The following TCEA3 variants were observed in gnomAD, a reference collection of about 807,000 sequenced individuals.
TCEA3 encodes transcription elongation factor A protein 3.
In TCEA3, 36 loss-of-function variants were observed where a neutral mutation model predicts 44.0. The ratio of observed to expected loss-of-function variants is 0.82; its 90% CI spans 0.63 to 1.08. TCEA3 has a LOEUF of 1.08. TCEA3 is among the 50% of genes least tolerant of loss of function. The pLI, the probability that TCEA3 is intolerant of heterozygous loss-of-function variation, is 0.00. For synonymous variants in TCEA3, 162 were observed against 159.7 expected (o/e 1.01, Z -0.11); for missense variants, 392 against 441.2 (o/e 0.89, Z 1.00).
chr1:23,384,230 G>A, intron 10 of TCEA3, 116 bp downstream of exon 10: 1 of 1,586,818 alleles, frequency 6.3e-7, no homozygotes, highest in South Asian at 1.2e-5. Context: ...CCTACTCTGT[G>A]CAGGCTGGCA....
chr1:23,397,532 A>T lies in TCEA3; in HGVS notation c.664+13T>A. 1.2e-6 allele frequency: 2 copies of T among 1,613,368 alleles called. No homozygotes were observed. The highest frequency in any genetic ancestry group is 1.7e-6 in the Non-Finnish European group (2 of 1,179,548). ...GTGCAGACACCCACAGCCCCGGCAC[A>T]GTTCAAGGATATGATCTTCGATTTC... On this transcript the variant is annotated intron_variant, in intron 7 of 10. Transcript: ENST00000450454.
chr1:23,412,979 A>T (rs1340154097), intron 4 of TCEA3, among the ~76,000 whole-genome samples: 1 of 152,196 alleles, frequency 6.6e-6, no homozygotes, highest in African/African-American at 2.4e-5. Context: ...GAATGAGGAG[A>T]TACCTCTCCA....
intron 1 of TCEA3, 110 bp from the exon 2 acceptor site, chr1:23,419,249 G>A (rs1450735687): frequency 2.4e-5 from 18 of 753,972 alleles, no homozygotes; most frequent in African/African-American, 3.5e-5. Flanking sequence ...ACATGTGGCC[G>A]AAGGACAGGC....
At chr1:23,389,298 G>T (rs1416677216) in intron 8 of TCEA3, among the ~76,000 whole-genome samples, 1 of 152,084 alleles carries the variant, frequency 6.6e-6, no homozygotes, top group African/African-American at 2.4e-5. Flanking sequence ...GACCAGCCAG[G>T]TCAACATGGT....
chr1:23,381,551 AG>A (rs757395155), intron 10 of TCEA3, 77 bp from the exon 11 acceptor site: 4 of 778,710 alleles, frequency 5.1e-6, no homozygotes, highest in Non-Finnish European at 9.6e-6. Flanking sequence ...AATATGAAAA[AG>A]AAGGTGGTGT....
chr1:23,388,199 C>CTTT (rs148219602), intron 8 of TCEA3, among the ~76,000 whole-genome samples: 1,670 of 138,600 alleles, frequency 0.012, 45 homozygotes, highest in African/African-American at 0.042. Context: ...GGATTTTAAA[C>CTTT]TTTTTTTTTT....
intron 10 of TCEA3, 146 bp from the exon 11 acceptor site, chr1:23,381,620 C>A (rs575469376): frequency 2.9e-6 from 2 of 685,658 alleles, no homozygotes; most frequent in African/African-American, 1.8e-5. Flanking sequence ...GCTGTGTGAT[C>A]TTGAACAAAT....
At chr1:23,424,327 C>T (rs1426168579) in intron 1 of TCEA3, among the ~76,000 whole-genome samples, 1 of 152,112 alleles carries the variant, frequency 6.6e-6, no homozygotes, top group Non-Finnish European at 1.5e-5. Context: ...GTGCACAAGT[C>T]GCGCCTCCGG....
intron 5 of TCEA3, among the ~76,000 whole-genome samples, chr1:23,407,658 C>G (rs964216895): frequency 6.6e-6 from 1 of 152,128 alleles, no homozygotes; most frequent in East Asian, 1.9e-4. Flanking sequence ...CCTCTTCCCT[C>G]TCCTCTTTTG....
intron 5 of TCEA3, among the ~76,000 whole-genome samples, chr1:23,407,870 A>T (rs1639587558): frequency 6.6e-6 from 1 of 152,196 alleles, no homozygotes; most frequent in Non-Finnish European, 1.5e-5. Flanking sequence ...TTGGGTAGAC[A>T]TCCTAGCCAG....
At chr1:23,402,858 G>A (rs2148565506) in intron 5 of TCEA3, among the ~76,000 whole-genome samples, 1 of 152,292 alleles carries the variant, frequency 6.6e-6, no homozygotes, top group Non-Finnish European at 1.5e-5. Flanking sequence ...ATGAATAAAT[G>A]AATGAATACA....
At chr1:23,420,343 G>C (rs1005663223) in intron 1 of TCEA3, among the ~76,000 whole-genome samples, 6 of 152,180 alleles carry the variant, frequency 3.9e-5, no homozygotes, top group African/African-American at 1.4e-4. Flanking sequence ...CCAGGCTCAG[G>C]TGATCCTCCC....
At chr1:23,401,253 T>C (rs1322406193) in intron 5 of TCEA3, among the ~76,000 whole-genome samples, 1 of 152,234 alleles carries the variant, frequency 6.6e-6, no homozygotes, top group Non-Finnish European at 1.5e-5. Context: ...CCTCCATGCA[T>C]ACCGGTGAGG....
intron 5 of TCEA3, among the ~76,000 whole-genome samples, chr1:23,406,983 C>A (rs1463711731): frequency 6.6e-6 from 1 of 152,182 alleles, no homozygotes; most frequent in Non-Finnish European, 1.5e-5. Flanking sequence ...CTCATATAAT[C>A]CAACTGCATA....
intron 5 of TCEA3, among the ~76,000 whole-genome samples, chr1:23,400,716 C>G (rs1639373816): frequency 6.6e-6 from 1 of 152,144 alleles, no homozygotes; most frequent in Admixed American, 6.5e-5. Context: ...AAATTAAGGT[C>G]CCCTCCTGGA....
At chr1:23,391,972 G>A (rs920573680) in intron 8 of TCEA3, among the ~76,000 whole-genome samples, 2 of 152,058 alleles carry the variant, frequency 1.3e-5, no homozygotes, top group African/African-American at 4.8e-5. Flanking sequence ...AATGCCTGTT[G>A]TTTATAAACT....
At chr1:23,387,630 T>G (rs1638890462) in intron 8 of TCEA3, among the ~76,000 whole-genome samples, 1 of 152,224 alleles carries the variant, frequency 6.6e-6, no homozygotes. Flanking sequence ...AAGGTCATAA[T>G]GCACATTCAG....
At chr1:23,395,532 G>A (rs1447236515) in intron 7 of TCEA3, among the ~76,000 whole-genome samples, 1 of 152,208 alleles carries the variant, frequency 6.6e-6, no homozygotes, top group East Asian at 1.9e-4. Flanking sequence ...TCCTTTAGAA[G>A]AGGGACATTC....
At chr1:23,407,816 A>G (rs1337194323) in intron 5 of TCEA3, among the ~76,000 whole-genome samples, 1 of 152,106 alleles carries the variant, frequency 6.6e-6, no homozygotes, top group African/African-American at 2.4e-5. Flanking sequence ...ATAGGCCCTC[A>G]ATAAATATTT....
Sources: allele counts gnomAD v4.1 joint callset (sites outside exome capture counted in the v4.1 genomes callset), GRCh38; gene constraint gnomAD v4.1.1; transcripts MANE v1.5; gene names NCBI Gene and HGNC (gene_info 2026-07-23, HGNC 2026-07-21).